P2RX3: variants seen among roughly 807,000 people sequenced by gnomAD.
P2RX3 encodes the protein purinergic receptor P2X 3.
A neutral mutation model predicts 51.5 loss-of-function variants in P2RX3; 41 were observed. The observed-to-expected ratio is 0.80, with a 90% confidence interval of 0.62 to 1.03. P2RX3 has a LOEUF of 1.03. Ranked by LOEUF, P2RX3 falls within the 50% of genes least tolerant of loss-of-function variation. The probability of loss-of-function intolerance (pLI) is 0.00; values close to 1 mark genes in which losing one functional copy is unlikely to be tolerated. For synonymous variants in P2RX3, 185 were observed against 191.6 expected (o/e 0.97, Z 0.29); for missense variants, 459 against 522.1 (o/e 0.88, Z 1.18).
At position 57,338,594 on chromosome 11, in the gene P2RX3, C is replaced by A. The variant is rs761118428; in HGVS notation, c.44C>A (p.Ser15Ter). 2 of 1,596,244 alleles carry A rather than the reference C, an allele frequency of 1.3e-6. No homozygotes were observed. Among genetic ancestry groups the A allele is most frequent in the African/African-American group, 1.3e-5 (1 of 74,692 alleles). Residue 15 changes from serine (S) to a stop codon, truncating the protein, a stop_gained, in exon 1 of 12, where the codon TCG (serine) becomes TAG (stop). Transcript: ENST00000263314. LOFTEE classifies it high-confidence loss of function. ...TTCTTCACCTATGAGACCACCAAGT[C>A]GGTGGTTGTGAAGAGCTGGACCATC... ...SDFFTYETTK[S>*]VVVKSWTIGI...
chr11:57,352,204 TA>T (rs1333707194), intron 8 of P2RX3, among the ~76,000 whole-genome samples: 3 of 152,272 alleles, frequency 2.0e-5, no homozygotes, highest in East Asian at 1.9e-4. Flanking sequence ...ATTTATAACT[TA>T]AAAAAATAAT....
chr11:57,357,835 C>G (rs1856654442), intron 8 of P2RX3, among the ~76,000 whole-genome samples: 2 of 152,148 alleles, frequency 1.3e-5, no homozygotes, highest in Non-Finnish European at 2.9e-5. Flanking sequence ...AGTATAAAAT[C>G]AACTGTAAAA....
chr11:57,364,142 C>T (rs1856762667), intron 8 of P2RX3, among the ~76,000 whole-genome samples: 2 of 152,194 alleles, frequency 1.3e-5, no homozygotes, highest in African/African-American at 4.8e-5. Context: ...CAGGCCCAGC[C>T]TCTGCCCTGC....
chr11:57,366,251 C>A (rs138384102), intron 8 of P2RX3, among the ~76,000 whole-genome samples: 3 of 152,202 alleles, frequency 2.0e-5, no homozygotes, highest in Non-Finnish European at 4.4e-5. Flanking sequence ...AAGACTGATG[C>A]GATTTGAATC....
At chr11:57,340,373 C>A (rs750566439) in intron 1 of P2RX3, among the ~76,000 whole-genome samples, 1 of 152,198 alleles carries the variant, frequency 6.6e-6, no homozygotes, top group Non-Finnish European at 1.5e-5. Flanking sequence ...AGCGAGTGTG[C>A]GAAGCTCTTT....
At chr11:57,338,266 C>T (rs1856271074), upstream of P2RX3, 1 of 257,646 alleles carries the variant, frequency 3.9e-6, no homozygotes, top group Non-Finnish European at 7.5e-6. Flanking sequence ...AATCAGGAGC[C>T]CAGGATTGGA....
At chr11:57,347,249 A>C (rs1032925539) in intron 3 of P2RX3, 62 bp downstream of exon 3, 2 of 1,569,154 alleles carry the variant, frequency 1.3e-6, no homozygotes, top group Admixed American at 3.4e-5. Flanking sequence ...TGGGAGTGGG[A>C]GCAGTGGCAG....
At chr11:57,342,314 G>A (rs1405593063) in intron 1 of P2RX3, among the ~76,000 whole-genome samples, 1 of 151,748 alleles carries the variant, frequency 6.6e-6, no homozygotes, top group East Asian at 1.9e-4. Context: ...CCTGTGCCAC[G>A]ACGCCCGGCT....
chr11:57,365,158 C>A (rs971792016), intron 8 of P2RX3, among the ~76,000 whole-genome samples: 1 of 152,232 alleles, frequency 6.6e-6, no homozygotes, highest in African/African-American at 2.4e-5. Context: ...ACTGAGCTTG[C>A]TCCTCTGTAA....
intron 8 of P2RX3, among the ~76,000 whole-genome samples, chr11:57,364,560 G>T (rs1856769775): frequency 6.6e-6 from 1 of 152,148 alleles, no homozygotes; most frequent in Non-Finnish European, 1.5e-5. Flanking sequence ...AGGACCTCCT[G>T]GAGCCTTCTG....
Position 57,346,674 on chromosome 11 carries a change from C to T in P2RX3, c.250C>T (p.Pro84Ser). 1 of 1,613,768 alleles carries T rather than the reference C, an allele frequency of 6.2e-7. No homozygotes were observed. The highest frequency in any genetic ancestry group is 8.5e-7 in the Non-Finnish European group (1 of 1,180,014). ...VMDVSDYVTP[P>S]QGTSVFVIIT... is the part of the protein sequence containing the mutation. Reference sequence around the variant, plus strand: ...GGATGTGTCTGATTACGTGACGCCACCTCAGGTATGGTACCCCTACCCAGA... The same window carrying T: ...GGATGTGTCTGATTACGTGACGCCATCTCAGGTATGGTACCCCTACCCAGA... The change falls in exon 2 of 12, where the codon CCT (proline) becomes TCT (serine). Residue 84 changes from proline (P) to serine (S), a missense_variant. Coordinates refer to ENST00000263314, the MANE Select transcript of P2RX3 (RefSeq NM_002559.5).
intron 8 of P2RX3, among the ~76,000 whole-genome samples, chr11:57,356,292 A>AG (rs1565068895): frequency 1.4e-5 from 2 of 145,324 alleles, no homozygotes; most frequent in African/African-American, 5.2e-5. Context: ...AAAAAAGGGG[A>AG]AAAAAAAATA....
At chr11:57,367,986 C>T (rs200001144) in intron 8 of P2RX3, 23 bp from the exon 9 acceptor site, 27 of 1,584,024 alleles carry the variant, frequency 1.7e-5, no homozygotes, top group Non-Finnish European at 8.7e-7. Flanking sequence ...ACAGAGGGAC[C>T]CATCTCTGCC....
chr11:57,337,613 G>A (rs1048624303), upstream of P2RX3, among the ~76,000 whole-genome samples: 3 of 152,108 alleles, frequency 2.0e-5, no homozygotes, highest in Non-Finnish European at 2.9e-5. Flanking sequence ...GGTGGGAATT[G>A]AACAATGAGA....
intron 10 of P2RX3, 121 bp from the exon 11 acceptor site, chr11:57,369,240 A>C: frequency 1.3e-6 from 1 of 789,126 alleles, no homozygotes; most frequent in Non-Finnish European, 2.1e-6. Flanking sequence ...TGCAAGGGTG[A>C]AATGTCCTGC....
intron 1 of P2RX3, among the ~76,000 whole-genome samples, chr11:57,343,260 A>G (rs1856374823): frequency 6.6e-6 from 1 of 152,186 alleles, no homozygotes; most frequent in Non-Finnish European, 1.5e-5. Context: ...AAGGAGGAGG[A>G]GGAGGAGGTA....
In P2RX3 at chr11:57,370,087, G is replaced by A; in HGVS notation, c.*90G>A. The A allele has an allele frequency of 1.1e-6, 1 of 906,618 alleles. No homozygotes were observed. Among genetic ancestry groups the A allele is most frequent in the Non-Finnish European group, 1.7e-6 (1 of 575,192 alleles). 56.2% of individuals were successfully genotyped at this position (906,618 alleles called of 1,614,324 possible). ...GCAAGGGGCATGGGAGGGAAGAGGG[G>A]CTCTCATTTCTGCTGCTCATTCCAT... On this transcript the variant is annotated 3_prime_UTR_variant, in exon 12 of 12. Transcript: ENST00000263314.
chr11:57,359,210 A>C (rs1259475190), intron 8 of P2RX3, among the ~76,000 whole-genome samples: 1 of 152,230 alleles, frequency 6.6e-6, no homozygotes, highest in Non-Finnish European at 1.5e-5. Context: ...AGCCACAGGC[A>C]AAATCAAGGC....
chr11:57,353,496 G>C (rs1590631489), intron 8 of P2RX3, among the ~76,000 whole-genome samples: 1 of 152,134 alleles, frequency 6.6e-6, no homozygotes, highest in Non-Finnish European at 1.5e-5. Flanking sequence ...AGGGACATTT[G>C]TACTTGTTAA....
Sources: gnomAD v4.1 joint callset for allele counts (sites outside exome capture counted in the v4.1 genomes callset) on GRCh38, gnomAD v4.1.1 for gene constraint, MANE v1.5 for transcripts, NCBI Gene and HGNC (gene_info 2026-07-23, HGNC 2026-07-21) for gene names.